The following NAP1L4 variants were observed in gnomAD, a reference collection of about 807,000 sequenced individuals.
The protein encoded by NAP1L4 is nucleosome assembly protein 1 like 4.
In NAP1L4, 15 loss-of-function variants were observed where a neutral mutation model predicts 58.2. The ratio of observed to expected loss-of-function variants is 0.26; its 90% CI spans 0.17 to 0.40. The LOEUF is 0.40. NAP1L4 is among the 10% of genes least tolerant of loss of function. The probability of loss-of-function intolerance (pLI) is 1.00; values close to 1 mark genes in which losing one functional copy is unlikely to be tolerated. For synonymous variants in NAP1L4, 171 were observed against 155.6 expected, an observed-to-expected ratio of 1.10 and a Z score of -0.74; for missense variants, 384 against 451.1, an observed-to-expected ratio of 0.85 and a Z score of 1.35.
Position 2,951,750 on chromosome 11 carries a change from T to A in NAP1L4, c.1065+30A>T. On this transcript the variant is annotated intron_variant, in intron 13 of 15. Transcript: ENST00000380542. The surrounding 1 kb of genome is among the most constrained non-coding windows in gnomAD (Gnocchi z 4.0). ...AGCCAAAGAAACAACTTCAGGGAGG[T>A]AAGTGGCACTGCATAAACCTGTCTC... is the stretch of plus-strand genomic sequence containing the variant. 1 of 1,611,512 alleles carries A rather than the reference T, an allele frequency of 6.2e-7. No individual in the cohort carries two copies.
In NAP1L4 at chr11:2,970,004, T is replaced by C. The variant is rs1847543161; in HGVS notation, c.403-70A>G. 13 of 1,485,568 alleles carry C rather than the reference T, an allele frequency of 8.8e-6. No individual in the cohort carries two copies. In the South Asian group the frequency reaches 1.4e-4, roughly 16 times the overall value. The allele number at this position is 1,485,568 out of a possible 1,614,324, so 92.0% of individuals were successfully genotyped here. On this transcript the variant is annotated intron_variant, in intron 6 of 15. Transcript: ENST00000380542. ...AACAATGCAGCGGCTTCACGTAGAA[T>C]ATCGTTGCCGAATCCTCTACTATCT...
chr11:2,968,926 A>G (rs1233592167), intron 7 of NAP1L4, among the ~76,000 whole-genome samples: 2 of 152,018 alleles, frequency 1.3e-5, no homozygotes, highest in East Asian at 3.9e-4. Flanking sequence ...ATTTCACTAC[A>G]GAAAGTGAAA....
intron 1 of NAP1L4, among the ~76,000 whole-genome samples, chr11:2,986,434 TAG>T (rs1848629115): frequency 6.6e-6 from 1 of 151,586 alleles, no homozygotes; most frequent in African/African-American, 2.4e-5. Context: ...GAGACAAAGC[TAG>T]AGAGTGTAGT....
At chr11:2,963,623 TGAA>T (rs1847082857) in intron 8 of NAP1L4, 1 of 440,896 alleles carries the variant, frequency 2.3e-6, no homozygotes, top group Non-Finnish European at 4.5e-6. Flanking sequence ...GCACTTGCAG[TGAA>T]GAAATCCCAC....
At chr11:2,970,113 A>G (rs1847550677) in intron 6 of NAP1L4, among the ~76,000 whole-genome samples, 179 bp from the exon 7 acceptor site, 1 of 152,204 alleles carries the variant, frequency 6.6e-6, no homozygotes, top group Non-Finnish European at 1.5e-5. Flanking sequence ...TTCTGAGGAA[A>G]AAGCATTCAA....
chr11:2,973,942 G>C (rs1847796667), intron 4 of NAP1L4, among the ~76,000 whole-genome samples: 1 of 151,926 alleles, frequency 6.6e-6, no homozygotes, highest in South Asian at 2.1e-4. Context: ...TAATTTTTTT[G>C]CATCCTGTAG....
At chr11:2,973,170 A>C (rs1847751393) in intron 4 of NAP1L4, among the ~76,000 whole-genome samples, 1 of 152,240 alleles carries the variant, frequency 6.6e-6, no homozygotes, top group African/African-American at 2.4e-5. Context: ...AAAATCTGAG[A>C]AACACAGACC....
At chr11:2,953,385 A>C (rs1455942462) in intron 12 of NAP1L4, among the ~76,000 whole-genome samples, 2 of 152,248 alleles carry the variant, frequency 1.3e-5, no homozygotes, top group Non-Finnish European at 2.9e-5. Flanking sequence ...ATTTAAATTT[A>C]AACTAAGGTA....
chr11:2,965,931 T>C (rs573482821), intron 7 of NAP1L4, among the ~76,000 whole-genome samples: 220 of 152,298 alleles, frequency 1.4e-3, no homozygotes, highest in African/African-American at 5.0e-3. Flanking sequence ...GTACAATTCT[T>C]ATCTGTGTCT....
intron 1 of NAP1L4, among the ~76,000 whole-genome samples, chr11:2,988,803 G>A (rs780860009): frequency 2.6e-5 from 4 of 152,078 alleles, no homozygotes; most frequent in Non-Finnish European, 4.4e-5. Flanking sequence ...CACAGGAAGT[G>A]GTCAAAATCA....
rs1438462111 is a variant in NAP1L4 at position 2,948,582 on chromosome 11, T to C, written c.*32+645A>G. ...TGAAGAAAGTGGAGTGGGAAACAGC[T>C]TCCAGGCTTACTGACACTCACTTTC... On this transcript the variant is annotated intron_variant, in intron 15 of 15. Transcript: ENST00000380542. The surrounding 1 kb of genome is among the most constrained non-coding windows in gnomAD (Gnocchi z 5.1). 6.6e-6 allele frequency among the ~76,000 whole-genome samples: 1 copy of C among 152,182 alleles called. No homozygotes were observed. The highest frequency in any genetic ancestry group is 1.5e-5 in the Non-Finnish European group (1 of 68,036).
chr11:2,959,097 ATGCT>A lies in NAP1L4; in HGVS notation c.747-557_747-554del, dbSNP rs1210000280. Among the ~76,000 whole-genome samples the A allele has an allele frequency of 6.6e-6, 1 of 152,184 alleles. No homozygotes were observed. The highest frequency in any genetic ancestry group is 1.5e-5 in the Non-Finnish European group (1 of 68,022). On this transcript the variant is annotated intron_variant, in intron 9 of 15. Transcript: ENST00000380542. The surrounding 1 kb of genome is among the most constrained non-coding windows in gnomAD (Gnocchi z 4.9). Reference sequence around the variant, plus strand: ...ATCTCAATACTGCCCGCTTAAGAACATGCTTGGTAAGGCCAGGCCTTTTTCTCAC... The same window carrying A: ...ATCTCAATACTGCCCGCTTAAGAACATGGTAAGGCCAGGCCTTTTTCTCAC...
chr11:2,969,389 C>CA (rs1286295248), intron 7 of NAP1L4, among the ~76,000 whole-genome samples: 2 of 151,210 alleles, frequency 1.3e-5, no homozygotes, highest in Non-Finnish European at 3.0e-5. Context: ...CAAACAAACA[C>CA]ACAGCTCATC....
At position 2,964,758 on chromosome 11, in the gene NAP1L4, A is replaced by G; in HGVS notation, c.535-7T>C. ...AGATTGGTTCATCATATTCCTAATC[A>G]AAAAGAGAAAAAAAATTCCAACAGG... is the stretch of plus-strand genomic sequence containing the variant. On this transcript the variant is annotated splice_polypyrimidine_tract_variant and splice_region_variant and intron_variant, in intron 7 of 15. Coordinates refer to ENST00000380542, the MANE Select transcript of NAP1L4 (RefSeq NM_005969.4). The G allele has an allele frequency of 6.2e-7, 1 of 1,604,698 alleles. No homozygotes were observed. The highest frequency in any genetic ancestry group is 1.1e-5 in the South Asian group (1 of 90,798).
At chr11:2,964,584 T>G (rs1031772626) in intron 8 of NAP1L4, 96 bp downstream of exon 8, 15 of 965,740 alleles carry the variant, frequency 1.6e-5, no homozygotes, top group Non-Finnish European at 2.1e-5. Flanking sequence ...TGGCTGGGTG[T>G]GGGTTTTGTG....
At chr11:2,986,383 AAAAAGAAAAAG>A (rs1257167249) in intron 1 of NAP1L4, among the ~76,000 whole-genome samples, 31 of 74,824 alleles carry the variant, frequency 4.1e-4, no homozygotes, top group African/African-American at 1.2e-3. Context: ...CAAAAAAAAA[AAAAAGAAAAAG>A]AAAGGAAAAA....
At chr11:2,964,842 T>C in intron 7 of NAP1L4, 91 bp from the exon 8 acceptor site, 1 of 894,818 alleles carries the variant, frequency 1.1e-6, no homozygotes, top group South Asian at 1.4e-5. Context: ...CTCCCAGATG[T>C]TGCATAACTA....
In NAP1L4 at chr11:2,945,579, C is replaced by A. The variant is rs1490191637; in HGVS notation, c.*100G>T. The stretch of plus-strand genomic sequence containing the variant: ...GCCCACAGGCCTGGAGTCCCGACAG[C>A]CGGTCTGCCAGGCACCCGCCTCCGC... On this transcript the variant is annotated 3_prime_UTR_variant, in exon 16 of 16. Transcript: ENST00000380542. The A allele has an allele frequency of 6.5e-7, 1 of 1,534,748 alleles. No individual in the cohort carries two copies. Among genetic ancestry groups the A allele is most frequent in the Non-Finnish European group, 8.7e-7 (1 of 1,145,832 alleles).
intron 7 of NAP1L4, among the ~76,000 whole-genome samples, chr11:2,966,223 A>T (rs1847270084): frequency 6.6e-6 from 1 of 152,234 alleles, no homozygotes; most frequent in Non-Finnish European, 1.5e-5. Flanking sequence ...GGACACAGTG[A>T]CATTTTGATG....
Sources: allele counts gnomAD v4.1 joint callset (sites outside exome capture counted in the v4.1 genomes callset), GRCh38; gene constraint gnomAD v4.1.1; non-coding constraint Gnocchi (gnomAD v3.1); transcripts MANE v1.5; gene names NCBI Gene and HGNC (gene_info 2026-07-23, HGNC 2026-07-21).